Variants in NDEL1 observed in about 807,000 individuals in gnomAD.
NDEL1 encodes the protein nuclear distribution protein nudE-like 1.
NDEL1 carries 9 observed loss-of-function variants against 45.7 expected under a neutral mutation model. That is an observed-to-expected ratio of 0.20 (90% CI 0.12 to 0.34). The LOEUF (loss-of-function observed/expected upper bound fraction) is 0.34, where lower values mean the gene tolerates loss of function less well. Among genes scored for constraint, NDEL1 ranks in the 10% least tolerant of loss-of-function variants. NDEL1 has a pLI of 1.00. For missense variants in NDEL1, 306 were observed against 406.2 expected (o/e 0.75, Z 2.12); for synonymous variants, 133 against 158.6 (o/e 0.84, Z 1.21).
At chr17:8,438,883 G>T (rs962146617) in intron 1 of NDEL1, among the ~76,000 whole-genome samples, 1 of 151,590 alleles carries the variant, frequency 6.6e-6, no homozygotes, top group African/African-American at 2.4e-5. Flanking sequence ...GATAATACCA[G>T]TTAGGAAGCA....
chr17:8,424,069 A>T (rs1409480228), intron 1 of NDEL1, among the ~76,000 whole-genome samples: 1 of 152,224 alleles, frequency 6.6e-6, no homozygotes, highest in Non-Finnish European at 1.5e-5. Context: ...AGAAAAGAAA[A>T]AAAGGAAGGA....
chr17:8,432,318 T>TATATATAAATATATATA (rs1491329750), upstream of NDEL1, among the ~76,000 whole-genome samples: 1 of 55,558 alleles, frequency 1.8e-5, no homozygotes, highest in Non-Finnish European at 3.8e-5. Flanking sequence ...TATATATATA[T>TATATATAAATATATATA]TTATATATAA....
At chr17:8,469,337 C>T (rs1481344822), downstream of NDEL1, among the ~76,000 whole-genome samples, 1 of 152,208 alleles carries the variant, frequency 6.6e-6, no homozygotes. Flanking sequence ...GCAGGGCTTT[C>T]ACTCTGGTTA....
upstream of NDEL1, among the ~76,000 whole-genome samples, chr17:8,434,341 G>A (rs192326382): frequency 4.1e-3 from 624 of 152,180 alleles, 2 homozygotes; most frequent in South Asian, 7.5e-3. Flanking sequence ...CTCAGCCTCC[G>A]GAGTAGCTAG....
chr17:8,423,718 AAT>A (rs1263334524), intron 1 of NDEL1, among the ~76,000 whole-genome samples: 1 of 152,124 alleles, frequency 6.6e-6, no homozygotes, highest in Non-Finnish European at 1.5e-5. Flanking sequence ...AAAAGGAGGG[AAT>A]TGTACATGAC....
At chr17:8,414,965 C>T (rs1007148073) in intron 1 of NDEL1, among the ~76,000 whole-genome samples, 1 of 152,176 alleles carries the variant, frequency 6.6e-6, no homozygotes, top group African/African-American at 2.4e-5. Context: ...TCCTCAGAGA[C>T]ATCTGCCTGG....
intron 3 of NDEL1, 114 bp from the exon 4 acceptor site, chr17:8,446,640 C>G (rs776572389): frequency 1.4e-5 from 14 of 1,032,856 alleles, no homozygotes; most frequent in Admixed American, 7.2e-5. Context: ...GTAATTGTTA[C>G]AAGAGTGTGG....
At chr17:8,462,812 G>C (rs1597558874) in intron 8 of NDEL1, 1 of 152,416 alleles carries the variant, frequency 6.6e-6, no homozygotes, top group Non-Finnish European at 1.5e-5. Flanking sequence ...AGGTTTGTGT[G>C]TGTGTGCATG....
intron 6 of NDEL1, among the ~76,000 whole-genome samples, chr17:8,453,391 G>T (rs561654969): frequency 6.6e-6 from 1 of 152,160 alleles, no homozygotes; most frequent in South Asian, 2.1e-4. Flanking sequence ...TACTTACTAC[G>T]TGCATTTTTA....
chr17:8,448,072 A>T (rs967192335), intron 4 of NDEL1, among the ~76,000 whole-genome samples: 2 of 152,192 alleles, frequency 1.3e-5, no homozygotes. Context: ...TGCAGAAAGC[A>T]AAGGGAATAG....
At chr17:8,435,103 C>G (rs1388392260), upstream of NDEL1, among the ~76,000 whole-genome samples, 13 of 147,442 alleles carry the variant, frequency 8.8e-5, 1 homozygote, top group Admixed American at 8.2e-4. Flanking sequence ...AAACAAAAAC[C>G]AAGATGGATT....
At chr17:8,420,265 AAAG>A (rs1908668938) in intron 1 of NDEL1, among the ~76,000 whole-genome samples, 1 of 152,216 alleles carries the variant, frequency 6.6e-6, no homozygotes, top group African/African-American at 2.4e-5. Context: ...GAGTGTTTGT[AAAG>A]CACTTACGAG....
downstream of NDEL1, among the ~76,000 whole-genome samples, chr17:8,470,138 G>T (rs1911801740): frequency 6.6e-6 from 1 of 152,102 alleles, no homozygotes; most frequent in Non-Finnish European, 1.5e-5. The surrounding 1 kb of genome is among the most constrained non-coding windows in gnomAD (Gnocchi z 4.2). Context: ...TTTGGACATG[G>T]TCAGAGAGAG....
At chr17:8,426,647 G>A (rs931671) in intron 1 of NDEL1, among the ~76,000 whole-genome samples, 49,270 of 151,902 alleles carry the variant, frequency 0.32, 8,894 homozygotes, top group Middle Eastern at 0.41. Context: ...GAAGCTTGGG[G>A]AAGTCAGGAA....
chr17:8,438,996 C>T (rs572257236), intron 1 of NDEL1, among the ~76,000 whole-genome samples: 222 of 144,018 alleles, frequency 1.5e-3, no homozygotes, highest in Non-Finnish European at 2.5e-3. Flanking sequence ...GAGTGGAGTG[C>T]GGTCGCGCGC....
intron 5 of NDEL1, among the ~76,000 whole-genome samples, chr17:8,449,503 C>A (rs2151722785): frequency 6.6e-6 from 1 of 152,258 alleles, no homozygotes; most frequent in Non-Finnish European, 1.5e-5. Flanking sequence ...ATTTTTAGAA[C>A]TTTTTCATCT....
Position 8,444,249 on chromosome 17 carries a change from A to G in NDEL1, c.-12-11A>G. On this transcript the variant is annotated splice_polypyrimidine_tract_variant and intron_variant, in intron 1 of 8. Transcript: ENST00000334527. ...CTCTAATTTGTTAAGTTTGTCTTTA[A>G]TATTTCACAGGCTTTCTTGATCATG... 3 of 1,546,720 alleles carry G rather than the reference A, an allele frequency of 1.9e-6. No homozygotes were observed. The highest frequency in any genetic ancestry group is 2.7e-6 in the Non-Finnish European group (3 of 1,123,368).
intron 7 of NDEL1, among the ~76,000 whole-genome samples, chr17:8,455,544 C>T (rs189922642): frequency 8.6e-5 from 13 of 151,914 alleles, no homozygotes; most frequent in East Asian, 7.8e-4. Flanking sequence ...AAAAATTAGT[C>T]GGCATGGTGG....
chr17:8,444,991 CATT>C (rs1274554548), intron 2 of NDEL1: 2 of 152,184 alleles, frequency 1.3e-5, no homozygotes, highest in South Asian at 2.1e-4. Context: ...ACTGCCCTTT[CATT>C]ATTATCACCG....
Sources: allele counts gnomAD v4.1 joint callset (sites outside exome capture counted in the v4.1 genomes callset), GRCh38; gene constraint gnomAD v4.1.1; non-coding constraint Gnocchi (gnomAD v3.1); transcripts MANE v1.5; gene names NCBI Gene and HGNC (gene_info 2026-07-23, HGNC 2026-07-21).